The following FUT9 variants were observed in gnomAD, a reference collection of about 807,000 sequenced individuals.
FUT9 encodes 4-galactosyl-N-acetylglucosaminide 3-alpha-L-fucosyltransferase 9.
A neutral mutation model predicts 29.7 loss-of-function variants in FUT9; 15 were observed. The observed-to-expected ratio is 0.51, with a 90% CI of 0.34 to 0.78. FUT9 has a LOEUF of 0.78. Ranked by LOEUF, FUT9 falls within the 30% of genes least tolerant of loss-of-function variation. FUT9 has a pLI of 0.01. For missense variants in FUT9, 319 were observed against 425.4 expected (o/e 0.75, Z 2.20); for synonymous variants, 169 against 153.7 (o/e 1.10, Z -0.74).
At position 96,207,061 on chromosome 6, in the gene FUT9, T is replaced by A. The variant is rs1773843752; in HGVS notation, c.*2826T>A. 1 of 167,010 alleles carries A rather than the reference T, an allele frequency of 6.0e-6. No homozygotes were observed. Among genetic ancestry groups the A allele is most frequent in the Admixed American group, 6.5e-5 (1 of 15,270 alleles). 10.3% of individuals were successfully genotyped at this position (167,010 alleles called of 1,614,324 possible). A position where few individuals can be genotyped will look rare whatever the true frequency, so the allele number is the denominator to read the frequency against. On this transcript the variant is annotated 3_prime_UTR_variant, in exon 3 of 3. Transcript: ENST00000302103. ...GAAGTGGAAGAATTAAATGACTCAA[T>A]GGAACCCTTTAGCTGTGGGTCCATT... is the stretch of plus-strand genomic sequence containing the variant.
At chr6:96,120,304 T>G (rs1298996473) in intron 2 of FUT9, among the ~76,000 whole-genome samples, 1 of 144,048 alleles carries the variant, frequency 6.9e-6, no homozygotes, top group Admixed American at 7.1e-5. Flanking sequence ...GGAGTCTCTC[T>G]GTGTTGCCCA....
chr6:96,063,157 T>A (rs1213274641), intron 1 of FUT9, among the ~76,000 whole-genome samples: 1 of 152,206 alleles, frequency 6.6e-6, no homozygotes, highest in Non-Finnish European at 1.5e-5. Context: ...CCAGAATCTG[T>A]GGATTTATGG....
At chr6:96,073,578 T>C (rs968721347) in intron 1 of FUT9, among the ~76,000 whole-genome samples, 1 of 152,080 alleles carries the variant, frequency 6.6e-6, no homozygotes, top group South Asian at 2.1e-4. Flanking sequence ...GGTCTAAATA[T>C]CAAGAGTGAG....
chr6:96,029,361 AG>A (rs2127925661), intron 1 of FUT9, among the ~76,000 whole-genome samples: 1 of 151,604 alleles, frequency 6.6e-6, no homozygotes, highest in African/African-American at 2.4e-5. Flanking sequence ...AAATATTGGA[AG>A]CAGGGTGGGG....
chr6:96,168,946 G>T (rs1233350987), intron 2 of FUT9, among the ~76,000 whole-genome samples: 2 of 152,166 alleles, frequency 1.3e-5, no homozygotes, highest in African/African-American at 4.8e-5. Flanking sequence ...TATCGCAACA[G>T]GCAGGAAAGC....
At chr6:96,080,409 T>C (rs1247609094) in intron 1 of FUT9, among the ~76,000 whole-genome samples, 1 of 152,126 alleles carries the variant, frequency 6.6e-6, no homozygotes, top group East Asian at 1.9e-4. Context: ...TTCTATGCCT[T>C]AGGCAATTTA....
At chr6:96,200,304 G>A (rs1773705539) in intron 2 of FUT9, among the ~76,000 whole-genome samples, 1 of 152,066 alleles carries the variant, frequency 6.6e-6, no homozygotes, top group Admixed American at 6.6e-5. Flanking sequence ...TAGAGACCAG[G>A]GAAATCAAGA....
At chr6:96,051,211 G>A (rs1402168756) in intron 1 of FUT9, among the ~76,000 whole-genome samples, 1 of 151,790 alleles carries the variant, frequency 6.6e-6, no homozygotes, top group Non-Finnish European at 1.5e-5. Flanking sequence ...TACATACCTG[G>A]CCTTTGTGGG....
intron 2 of FUT9, among the ~76,000 whole-genome samples, chr6:96,182,569 C>A (rs1457945884): frequency 6.6e-6 from 1 of 151,892 alleles, no homozygotes; most frequent in Non-Finnish European, 1.5e-5. Flanking sequence ...AGATTTAAGT[C>A]CTTGATCCAT....
intron 1 of FUT9, among the ~76,000 whole-genome samples, chr6:96,030,504 T>G (rs938627349): frequency 2.0e-5 from 3 of 151,552 alleles, no homozygotes; most frequent in Admixed American, 6.6e-5. Flanking sequence ...GTGGAGCAGT[T>G]GGAACACTGG....
chr6:96,130,292 T>C (rs140023094), intron 2 of FUT9, among the ~76,000 whole-genome samples: 1 of 152,150 alleles, frequency 6.6e-6, no homozygotes, highest in Non-Finnish European at 1.5e-5. Flanking sequence ...TGTAATTTTA[T>C]AAATATTATA....
chr6:96,036,729 G>C (rs1357520049), intron 1 of FUT9: 1 of 151,876 alleles, frequency 6.6e-6, no homozygotes, highest in African/African-American at 2.4e-5. Context: ...TGGTTTGTCT[G>C]TATTTTGGTG....
Position 96,212,385 on chromosome 6 carries a change from T to G in FUT9, c.*8150T>G, listed in dbSNP as rs1031950366. 1 of 412,492 alleles carries G rather than the reference T, an allele frequency of 2.4e-6. No individual in the cohort carries two copies. The highest frequency in any genetic ancestry group is 4.4e-6 in the Non-Finnish European group (1 of 225,366). 25.6% of individuals were successfully genotyped at this position (412,492 alleles called of 1,614,324 possible). On this transcript the variant is annotated 3_prime_UTR_variant, in exon 3 of 3. Transcript: ENST00000302103. ...TCTGCCTCAAGAGTCCTTAAGCAAA[T>G]GAAGATTATCTGATTGTCTATGTAA...
At chr6:96,143,078 G>A (rs7761557) in intron 2 of FUT9, among the ~76,000 whole-genome samples, 22,632 of 152,040 alleles carry the variant, frequency 0.15, 1,887 homozygotes, top group Non-Finnish European at 0.18. Context: ...GAATGTTTGC[G>A]CCCCTCTCAA....
intron 1 of FUT9, among the ~76,000 whole-genome samples, chr6:96,086,882 G>A (rs1406211700): frequency 6.6e-6 from 1 of 152,292 alleles, no homozygotes; most frequent in Non-Finnish European, 1.5e-5. Context: ...AAAAGGCACA[G>A]GATGATATCA....
At chr6:96,176,830 C>G (rs565197524) in intron 2 of FUT9, among the ~76,000 whole-genome samples, 1 of 152,162 alleles carries the variant, frequency 6.6e-6, no homozygotes, top group Non-Finnish European at 1.5e-5. Flanking sequence ...TGTCTTGGTT[C>G]TCCTCAGCTC....
intron 1 of FUT9, among the ~76,000 whole-genome samples, chr6:96,068,856 C>G (rs944507898): frequency 2.0e-5 from 3 of 151,904 alleles, no homozygotes; most frequent in African/African-American, 7.3e-5. Flanking sequence ...TATGGAGAAC[C>G]TAAGAAAATG....
rs762284154 is a variant in FUT9, at chr6:96,203,475, T to C, written c.320T>C (p.Leu107Pro). 6.2e-7 allele frequency: 1 copy of C among 1,610,214 alleles called. No individual in the cohort carries two copies. Among genetic ancestry groups the C allele is most frequent in the Non-Finnish European group, 8.5e-7 (1 of 1,177,908 alleles). ...CTGTACAACAAATCCCATGCAGTTC[T>C]GATCCATCACCGAGACATCAGTTGG... is the stretch of plus-strand genomic sequence containing the variant. Reference protein sequence around the residue: ...RSLYNKSHAVLIHHRDISWDL... With the variant: ...RSLYNKSHAVPIHHRDISWDL... Residue 107 changes from leucine (L) to proline (P), a missense_variant, in exon 3 of 3, where the codon CTG becomes CCG. Transcript: ENST00000302103.
chr6:96,116,835 A>T (rs534554532), intron 2 of FUT9, among the ~76,000 whole-genome samples: 1 of 152,290 alleles, frequency 6.6e-6, no homozygotes, highest in African/African-American at 2.4e-5. Context: ...CATTGATTAC[A>T]TGAGGAAATT....
Sources: gnomAD v4.1 joint callset for allele counts (sites outside exome capture counted in the v4.1 genomes callset) on GRCh38, gnomAD v4.1.1 for gene constraint, MANE v1.5 for transcripts, NCBI Gene and HGNC (gene_info 2026-07-23, HGNC 2026-07-21) for gene names.